Variants in NLGN1 observed in about 807,000 individuals in gnomAD.
NLGN1 encodes neuroligin-1.
NLGN1 carries 12 observed loss-of-function variants against 65.5 expected under a neutral mutation model. The ratio of observed to expected loss-of-function variants is 0.18; its 90% confidence interval spans 0.12 to 0.30. The LOEUF (loss-of-function observed/expected upper bound fraction) is 0.30, where lower values mean the gene tolerates loss of function less well. Among genes scored for constraint, NLGN1 ranks in the 10% least tolerant of loss-of-function variants. The probability of loss-of-function intolerance (pLI) is 1.00; values close to 1 mark genes in which losing one functional copy is unlikely to be tolerated. For missense variants in NLGN1, 750 were observed against 1,007.1 expected (o/e 0.74, Z 3.46); for synonymous variants, 350 against 359.5 (o/e 0.97, Z 0.30).
intron 3 of NLGN1, chr3:173,695,580 T>A (rs1766092946): frequency 5.9e-6 from 2 of 337,006 alleles, no homozygotes; most frequent in South Asian, 2.5e-5. Flanking sequence ...ACTAGCATGC[T>A]AACTATTAAA....
chr3:173,806,474 C>A (rs189376958), intron 3 of NLGN1, among the ~76,000 whole-genome samples: 26 of 151,984 alleles, frequency 1.7e-4, no homozygotes, highest in African/African-American at 4.6e-4. Context: ...TTAAATTATA[C>A]GTTTTAATAT....
intron 2 of NLGN1, among the ~76,000 whole-genome samples, chr3:173,533,041 C>T (rs1736854265): frequency 1.3e-5 from 2 of 152,106 alleles, no homozygotes; most frequent in South Asian, 4.1e-4. Flanking sequence ...AGAATAAGTC[C>T]CATGGTCCTT....
intron 2 of NLGN1, among the ~76,000 whole-genome samples, chr3:173,591,276 A>G (rs1175942683): frequency 6.6e-6 from 1 of 152,118 alleles, no homozygotes; most frequent in Non-Finnish European, 1.5e-5. Context: ...ATTATTTTGA[A>G]TTTTGTTATT....
Position 174,098,260 on chromosome 3 carries a change from T to TAC in NLGN1, c.647-177052_647-177051dup, listed in dbSNP as rs1182211458. ...CCTTCAATTGTGGCTGTGCATTTAT[T>TAC]ACACTCCATTACCTATATTTCACAT... On this transcript the variant is annotated intron_variant, in intron 4 of 6. Coordinates refer to ENST00000457714, the Ensembl canonical transcript of NLGN1. 5.3e-5 allele frequency among the ~76,000 whole-genome samples: 8 copies of TAC among 152,306 alleles called. No homozygotes were observed. In the South Asian group the frequency reaches 8.3e-4, roughly 16 times the overall value.
intron 4 of NLGN1, among the ~76,000 whole-genome samples, chr3:174,171,081 AAATT>A (rs776451119): frequency 2.0e-5 from 3 of 152,208 alleles, no homozygotes; most frequent in Non-Finnish European, 4.4e-5. Flanking sequence ...ATAGGCAAAT[AAATT>A]AATAGACCTT....
At chr3:174,113,328 T>C (rs1715656375) in intron 4 of NLGN1, among the ~76,000 whole-genome samples, 1 of 151,964 alleles carries the variant, frequency 6.6e-6, no homozygotes, top group Admixed American at 6.6e-5. Flanking sequence ...TAACAGTGAT[T>C]TTGAGCTCTA....
chr3:174,247,292 G>A (rs1743979666), intron 4 of NLGN1, among the ~76,000 whole-genome samples: 2 of 152,172 alleles, frequency 1.3e-5, no homozygotes, highest in African/African-American at 4.8e-5. Flanking sequence ...AGGTTCTGAA[G>A]ATACGTATCA....
At chr3:174,285,515 A>T (rs1454729160) in exon 7 of NLGN1, 1 of 151,564 alleles carries the variant, frequency 6.6e-6, no homozygotes, top group African/African-American at 2.4e-5. Flanking sequence ...GAATTTCTCC[A>T]GTAGCCTTAT....
intron 3 of NLGN1, among the ~76,000 whole-genome samples, chr3:173,723,049 G>A (rs144540359): frequency 3.9e-5 from 6 of 152,254 alleles, no homozygotes; most frequent in Non-Finnish European, 8.8e-5. Context: ...ACAAGGGGAC[G>A]GGGACATATC....
intron 4 of NLGN1, among the ~76,000 whole-genome samples, chr3:174,151,749 T>C (rs952730082): frequency 1.3e-5 from 2 of 152,168 alleles, no homozygotes; most frequent in African/African-American, 2.4e-5. Context: ...GTGACTGATC[T>C]AGAACAAATG....
rs76464703 is a variant in NLGN1, at chr3:173,831,780, C to G, written c.646+23948C>G. Among the ~76,000 whole-genome samples, 232 of 152,162 alleles carry G rather than the reference C, an allele frequency of 1.5e-3. 1 individual carries two copies. Among genetic ancestry groups the G allele is most frequent in the African/African-American group, 5.5e-3 (227 of 41,512 alleles). On this transcript the variant is annotated intron_variant, in intron 4 of 6. Transcript: ENST00000457714. ...TTAAGTGAGAATGCTTGATTTAGAA[C>G]TGGATGTTACAGTCATATACCATTC...
chr3:173,704,988 C>G (rs1003984710), intron 3 of NLGN1, among the ~76,000 whole-genome samples: 1 of 152,156 alleles, frequency 6.6e-6, no homozygotes, highest in African/African-American at 2.4e-5. Context: ...TGACAATTTT[C>G]TTTAGTGGAA....
chr3:174,052,439 T>C (rs1735112314), intron 4 of NLGN1, among the ~76,000 whole-genome samples: 1 of 152,066 alleles, frequency 6.6e-6, no homozygotes, highest in Non-Finnish European at 1.5e-5. Flanking sequence ...TAATTCATAA[T>C]AAATAAGCAT....
chr3:173,411,696 G>A (rs989401301), intron 1 of NLGN1, among the ~76,000 whole-genome samples: 16 of 152,070 alleles, frequency 1.1e-4, no homozygotes, highest in African/African-American at 3.9e-4. Context: ...TTCCTACCCC[G>A]CCCTCCAAAC....
intron 4 of NLGN1, among the ~76,000 whole-genome samples, chr3:173,991,915 C>T (rs969464868): frequency 7.9e-5 from 12 of 151,990 alleles, no homozygotes; most frequent in Non-Finnish European, 4.4e-5. Flanking sequence ...TGTGTTCTAG[C>T]GATTCTCGTT....
At chr3:173,743,366 A>G (rs1345545007) in intron 3 of NLGN1, among the ~76,000 whole-genome samples, 1 of 152,128 alleles carries the variant, frequency 6.6e-6, no homozygotes, top group Non-Finnish European at 1.5e-5. Flanking sequence ...CGTAGTGACT[A>G]AGCACCAGCA....
At chr3:174,015,315 A>C (rs1334665201) in intron 4 of NLGN1, among the ~76,000 whole-genome samples, 2 of 152,174 alleles carry the variant, frequency 1.3e-5, no homozygotes, top group Non-Finnish European at 2.9e-5. Flanking sequence ...ACAGTTCTGG[A>C]TACTTGAACT....
At chr3:174,278,361 A>T (rs1232209364) in intron 5 of NLGN1, among the ~76,000 whole-genome samples, 1 of 151,974 alleles carries the variant, frequency 6.6e-6, no homozygotes, top group Admixed American at 6.6e-5. Flanking sequence ...CAGTCATTGT[A>T]TGAGCCTTCA....
chr3:173,694,847 A>G (rs1030128230), intron 3 of NLGN1, among the ~76,000 whole-genome samples: 1 of 152,222 alleles, frequency 6.6e-6, no homozygotes, highest in African/African-American at 2.4e-5. Flanking sequence ...CACAGCAAAC[A>G]ATATTAGCAG....
Sources: allele counts gnomAD v4.1 joint callset (sites outside exome capture counted in the v4.1 genomes callset), GRCh38; gene constraint gnomAD v4.1.1; transcripts MANE v1.5; gene names NCBI Gene and HGNC (gene_info 2026-07-23, HGNC 2026-07-21).